DNAJC10: variants seen among roughly 807,000 people sequenced by gnomAD.
DNAJC10 encodes endoplasmic reticulum disulfide reductase DNAJC10.
DNAJC10 carries 101 observed loss-of-function variants against 115.0 expected under a neutral mutation model. That is an observed-to-expected ratio of 0.88 (90% confidence interval 0.75 to 1.04). The LOEUF is 1.04. DNAJC10 is among the 50% of genes least tolerant of loss of function. The pLI is 0.00. For missense variants in DNAJC10, 981 were observed against 928.8 expected (o/e 1.06, Z -0.73); for synonymous variants, 307 against 301.5 (o/e 1.02, Z -0.19).
Position 182,751,712 on chromosome 2 carries a change from A to T in DNAJC10, c.1361A>T (p.His454Leu). The T allele has an allele frequency of 6.2e-7, 1 of 1,614,040 alleles. No individual in the cohort carries two copies. Among genetic ancestry groups the T allele is most frequent in the South Asian group, 1.1e-5 (1 of 91,078 alleles). The change falls in exon 15 of 24, where the codon CAT becomes CTT. Residue 454 changes from histidine to leucine, a missense_variant. By Grantham distance (99) the His-to-Leu change is moderately conservative. Transcript: ENST00000264065. The stretch of plus-strand genomic sequence containing the variant: ...TTTGCCAAAGAAAGTGTGAATTCTC[A>T]TGTTACCACGCTTGGACCTCAAAAT... ...LAFAKESVNS[H>L]VTTLGPQNFP...
chr2:182,748,514 G>T (rs1367403462), intron 14 of DNAJC10, among the ~76,000 whole-genome samples: 3 of 152,166 alleles, frequency 2.0e-5, no homozygotes, highest in African/African-American at 7.2e-5. Flanking sequence ...TAGTTTATTT[G>T]CGTAGAGGTG....
At chr2:182,726,903 A>G (rs1464844310) in intron 5 of DNAJC10, among the ~76,000 whole-genome samples, 1 of 113,680 alleles carries the variant, frequency 8.8e-6, no homozygotes, top group Non-Finnish European at 1.6e-5. Context: ...AGCTATTTTT[A>G]TAGAGACAGG....
intron 22 of DNAJC10, among the ~76,000 whole-genome samples, chr2:182,765,640 T>C (rs1339723849): frequency 6.6e-6 from 1 of 152,186 alleles, no homozygotes; most frequent in Non-Finnish European, 1.5e-5. Flanking sequence ...TTAGGTGCCT[T>C]CCAAGTCATC....
Position 182,788,123 on chromosome 2 carries a change from A to G in DNAJC10, c.*10991A>G, listed in dbSNP as rs1694982740. 1 of 153,000 alleles carries G rather than the reference A, an allele frequency of 6.5e-6. No individual in the cohort carries two copies. The highest frequency in any genetic ancestry group is 1.5e-5 in the Non-Finnish European group (1 of 68,508). 9.5% of individuals were successfully genotyped at this position (153,000 alleles called of 1,614,324 possible). On this transcript the variant is annotated 3_prime_UTR_variant, in exon 24 of 24. Coordinates refer to ENST00000264065, the MANE Select transcript of DNAJC10 (RefSeq NM_018981.4). ...GTGGTTCCTACAGAGAAGGGTGGCAAGAAGGGCTGTTCTGCCATCAATGAG... is the reference window on the plus strand; with the variant it reads ...GTGGTTCCTACAGAGAAGGGTGGCAGGAAGGGCTGTTCTGCCATCAATGAG...
rs1695059914 is a variant in DNAJC10, at chr2:182,792,049, G to A, written c.*14917G>A. On this transcript the variant is annotated 3_prime_UTR_variant, in exon 24 of 24. Transcript: ENST00000264065. The stretch of plus-strand genomic sequence containing the variant: ...TTAGTATGTTTCCCTGTCCTAGAGT[G>A]CATGAACTTTCAAAGCCAGGACACA... 6.6e-6 allele frequency: 1 copy of A among 152,122 alleles called. No homozygotes were observed. Among genetic ancestry groups the A allele is most frequent in the Non-Finnish European group, 1.5e-5 (1 of 68,000 alleles). 9.4% of individuals were successfully genotyped at this position (152,122 alleles called of 1,614,324 possible). A position where few individuals can be genotyped will look rare whatever the true frequency, so the allele number is the denominator to read the frequency against.
chr2:182,717,795 GAA>G, intron 2 of DNAJC10, 144 bp from the exon 3 acceptor site: 1 of 219,460 alleles, frequency 4.6e-6, no homozygotes, highest in Middle Eastern at 1.7e-3. Flanking sequence ...CATGGATGTA[GAA>G]AGAGTGAAAA....
At chr2:182,753,051 A>C (rs1300456005) in intron 16 of DNAJC10, among the ~76,000 whole-genome samples, 1 of 152,208 alleles carries the variant, frequency 6.6e-6, no homozygotes. Context: ...GTTTTTGACA[A>C]CAAAAATGAT....
chr2:182,752,166 T>TCCC lies in DNAJC10; in HGVS notation c.1529_1530insCCC (p.Val510_His511insPro). ...AAGTTTGGTACACTAGATTGTACAGTTCATGAGGGACTCTGTAACATGGTA... is the reference window on the plus strand; with the variant it reads ...AAGTTTGGTACACTAGATTGTACAGTCCCTCATGAGGGACTCTGTAACATGGTA... On this transcript the variant is annotated inframe_insertion, in exon 16 of 24. Coordinates refer to ENST00000264065, the MANE Select transcript of DNAJC10 (RefSeq NM_018981.4). 4 of 1,578,730 alleles carry TCCC rather than the reference T, an allele frequency of 2.5e-6. No homozygotes were observed. Among genetic ancestry groups the TCCC allele is most frequent in the Non-Finnish European group, 3.5e-6 (4 of 1,157,554 alleles).
In DNAJC10 at chr2:182,792,737, A is replaced by T. The variant is rs1383990107; in HGVS notation, c.*15605A>T. 6.6e-6 allele frequency: 1 copy of T among 152,230 alleles called. No homozygotes were observed. Among genetic ancestry groups the T allele is most frequent in the Non-Finnish European group, 1.5e-5 (1 of 68,038 alleles). The allele number at this position is 152,230 out of a possible 1,614,324, so 9.4% of individuals were successfully genotyped here. On this transcript the variant is annotated 3_prime_UTR_variant, in exon 24 of 24. Coordinates refer to ENST00000264065, the MANE Select transcript of DNAJC10 (RefSeq NM_018981.4). ...TGTCATCTTTCCTTTGGCCTTCCTG[A>T]ATAGAAATCATTTATGAGGAAGTTA...
rs1466426746 is a variant in DNAJC10, at chr2:182,793,092, G to A, written c.*15960G>A. The A allele has an allele frequency of 6.6e-6, 1 of 152,338 alleles. No homozygotes were observed. Among genetic ancestry groups the A allele is most frequent in the East Asian group, 1.9e-4 (1 of 5,184 alleles). The allele number at this position is 152,338 out of a possible 1,614,324, so 9.4% of individuals were successfully genotyped here. A position where few individuals can be genotyped will look rare whatever the true frequency, so the allele number is the denominator to read the frequency against. On this transcript the variant is annotated 3_prime_UTR_variant, in exon 24 of 24. Transcript: ENST00000264065. Reference sequence around the variant, plus strand: ...CTTGGAGAAGATGCCATTGAAGGAGGTGGAAAAAATGTAGCCACTAAATGG... The same window carrying A: ...CTTGGAGAAGATGCCATTGAAGGAGATGGAAAAAATGTAGCCACTAAATGG...
At chr2:182,739,652 T>C in intron 11 of DNAJC10, 2 of 1,106,580 alleles carry the variant, frequency 1.8e-6, no homozygotes, top group Non-Finnish European at 2.2e-6. Context: ...GGGCCTTTTA[T>C]ACTCGTTTGT....
intron 22 of DNAJC10, among the ~76,000 whole-genome samples, chr2:182,764,065 G>A (rs773099914): frequency 3.9e-5 from 6 of 152,080 alleles, no homozygotes; most frequent in South Asian, 4.1e-4. Context: ...ACAAATAGTC[G>A]TGATAAGCCC....
At position 182,786,949 on chromosome 2, in the gene DNAJC10, G is replaced by GCTCGTCCCTTCTGC. The variant is rs1694958001; in HGVS notation, c.*9819_*9832dup. 3 of 152,130 alleles carry GCTCGTCCCTTCTGC rather than the reference G, an allele frequency of 2.0e-5. 1 individual carries two copies. Among genetic ancestry groups the GCTCGTCCCTTCTGC allele is most frequent in the Admixed American group, 2.0e-4 (3 of 15,256 alleles). The allele number at this position is 152,130 out of a possible 1,614,324, so 9.4% of individuals were successfully genotyped here. On this transcript the variant is annotated 3_prime_UTR_variant, in exon 24 of 24. Coordinates refer to ENST00000264065, the MANE Select transcript of DNAJC10 (RefSeq NM_018981.4). Reference sequence around the variant, plus strand: ...CTTATAAAAGAGACCCCAGTATCTTGCTCGTCCCTTCTGCCATGGGAGAAC... The same window carrying GCTCGTCCCTTCTGC: ...CTTATAAAAGAGACCCCAGTATCTTGCTCGTCCCTTCTGCCTCGTCCCTTCTGCCATGGGAGAAC...
At chr2:182,769,117 T>C (rs925319337) in intron 22 of DNAJC10, among the ~76,000 whole-genome samples, 2 of 152,124 alleles carry the variant, frequency 1.3e-5, no homozygotes, top group African/African-American at 4.8e-5. Context: ...AGAATGATGG[T>C]TTCCAGCTAC....
At chr2:182,740,207 A>T (rs1283468736) in intron 11 of DNAJC10, 92 bp from the exon 12 acceptor site, 1 of 1,186,428 alleles carries the variant, frequency 8.4e-7, no homozygotes, top group African/African-American at 1.6e-5. Context: ...TCATTTTCCT[A>T]AAAATACTAC....
chr2:182,751,456 C>T (rs983018897), intron 14 of DNAJC10, among the ~76,000 whole-genome samples: 8 of 152,034 alleles, frequency 5.3e-5, no homozygotes, highest in African/African-American at 1.9e-4. Context: ...TTTAACTAGT[C>T]CAGGAAACAG....
chr2:182,786,291 A>C lies in DNAJC10; in HGVS notation c.*9159A>C, dbSNP rs780504853. On this transcript the variant is annotated 3_prime_UTR_variant, in exon 24 of 24. Coordinates refer to ENST00000264065, the MANE Select transcript of DNAJC10 (RefSeq NM_018981.4). ...GAATTGGTTGGCACTAAGTAGGACC[A>C]CTTTCGAAGAGAATGGGTAGAATTC... The C allele has an allele frequency of 1.3e-5, 2 of 152,208 alleles. No individual in the cohort carries two copies. Among genetic ancestry groups the C allele is most frequent in the East Asian group, 3.8e-4 (2 of 5,200 alleles). 9.4% of individuals were successfully genotyped at this position (152,208 alleles called of 1,614,324 possible). A position where few individuals can be genotyped will look rare whatever the true frequency, so the allele number is the denominator to read the frequency against.
At chr2:182,727,015 C>T (rs552318794) in intron 5 of DNAJC10, among the ~76,000 whole-genome samples, 34 of 151,788 alleles carry the variant, frequency 2.2e-4, no homozygotes, top group African/African-American at 8.2e-4. Flanking sequence ...GCCACTGCGC[C>T]CAGCCTATTT....
intron 14 of DNAJC10, 45 bp from the exon 15 acceptor site, chr2:182,751,613 A>G (rs760298436): frequency 1.9e-6 from 3 of 1,596,420 alleles, no homozygotes; most frequent in South Asian, 2.3e-5. Context: ...CTGTGCATAC[A>G]AAAAGCAGAA....
Sources: allele counts gnomAD v4.1 joint callset (sites outside exome capture counted in the v4.1 genomes callset), GRCh38; gene constraint gnomAD v4.1.1; transcripts MANE v1.5; gene names NCBI Gene and HGNC (gene_info 2026-07-23, HGNC 2026-07-21).